PAPPA: variants seen among roughly 807,000 people sequenced by gnomAD.
PAPPA encodes pappalysin-1.
PAPPA carries 60 observed loss-of-function variants against 164.0 expected under a neutral mutation model. That is an observed-to-expected ratio of 0.37 (90% confidence interval 0.30 to 0.45). PAPPA has a LOEUF of 0.45. Ranked by LOEUF, PAPPA falls within the 20% of genes least tolerant of loss-of-function variation. The probability of loss-of-function intolerance (pLI) is 1.00; values close to 1 mark genes in which losing one functional copy is unlikely to be tolerated. For synonymous variants in PAPPA, 875 were observed against 814.1 expected, an observed-to-expected ratio of 1.07 and a Z score of -1.27; for missense variants, 1,782 against 2,087.3, an observed-to-expected ratio of 0.85 and a Z score of 2.85.
chr9:116,231,322 C>T (rs1844588915), intron 6 of PAPPA, among the ~76,000 whole-genome samples: 1 of 151,956 alleles, frequency 6.6e-6, no homozygotes, highest in African/African-American at 2.4e-5. Context: ...TCTCCCCTTC[C>T]ACCTTTCCTC....
intron 21 of PAPPA, among the ~76,000 whole-genome samples, chr9:116,385,920 T>G (rs967502368): frequency 5.9e-5 from 9 of 152,190 alleles, no homozygotes; most frequent in Non-Finnish European, 1.2e-4. Context: ...TTTAATTACT[T>G]TTGTGGAAGA....
chr9:116,174,254 G>A (rs1458930070), intron 1 of PAPPA, among the ~76,000 whole-genome samples: 1 of 152,182 alleles, frequency 6.6e-6, no homozygotes, highest in Non-Finnish European at 1.5e-5. Context: ...GCCCTGCAAA[G>A]TGGAGATCTG....
intron 19 of PAPPA, among the ~76,000 whole-genome samples, chr9:116,369,291 C>A (rs961140090): frequency 2.6e-5 from 4 of 152,148 alleles, no homozygotes; most frequent in African/African-American, 9.7e-5. Context: ...CCAGTGCACC[C>A]TGATATGCTC....
intron 7 of PAPPA, among the ~76,000 whole-genome samples, chr9:116,256,402 A>C (rs1342031559): frequency 1.3e-5 from 2 of 151,998 alleles, no homozygotes; most frequent in Admixed American, 6.5e-5. Flanking sequence ...GAAAGGAATA[A>C]ATAAGCAAGG....
intron 7 of PAPPA, among the ~76,000 whole-genome samples, chr9:116,255,559 TG>T (rs1844917699): frequency 6.6e-6 from 1 of 151,934 alleles, no homozygotes; most frequent in South Asian, 2.1e-4. Flanking sequence ...AAAATAGAAC[TG>T]GGAACTAAAC....
At chr9:116,202,762 G>A (rs529746919) in intron 2 of PAPPA, among the ~76,000 whole-genome samples, 31 of 152,086 alleles carry the variant, frequency 2.0e-4, no homozygotes, top group Admixed American at 7.2e-4. Context: ...ATATTTTTGG[G>A]TACACTTCCT....
chr9:116,346,761 C>T (rs1846215116), intron 14 of PAPPA, among the ~76,000 whole-genome samples: 1 of 152,294 alleles, frequency 6.6e-6, no homozygotes, highest in South Asian at 2.1e-4. Flanking sequence ...CCTTTGGACT[C>T]AAGTCCAACT....
intron 17 of PAPPA, among the ~76,000 whole-genome samples, chr9:116,361,517 A>C (rs1481658343): frequency 6.6e-6 from 1 of 152,140 alleles, no homozygotes; most frequent in Non-Finnish European, 1.5e-5. Context: ...CATCATTTGC[A>C]CACGCCCTTC....
At position 116,220,039 on chromosome 9, in the gene PAPPA, C is replaced by A. The variant is rs1179623524; in HGVS notation, c.2021C>A (p.Pro674His). ...QGWQPSRKPA[P>H]VALAPQVLGH... ...TGGCAGCCCTCCAGGAAACCAGCGC[C>A]TGTTGCCCTCGCCCCCCAAGTTCTG... The change falls in exon 5 of 22, where the codon CCT becomes CAT. Residue 674 changes from proline to histidine, a missense_variant. By Grantham distance (77) the Pro-to-His change is moderately conservative (BLOSUM62 -2). Transcript: ENST00000328252. 1 of 1,614,174 alleles carries A rather than the reference C, an allele frequency of 6.2e-7. No homozygotes were observed. Among genetic ancestry groups the A allele is most frequent in the Non-Finnish European group, 8.5e-7 (1 of 1,180,026 alleles).
intron 7 of PAPPA, among the ~76,000 whole-genome samples, chr9:116,255,519 A>G (rs1587974257): frequency 6.6e-6 from 1 of 152,040 alleles, no homozygotes; most frequent in Admixed American, 6.5e-5. Context: ...ACAGAAAAGG[A>G]TATTTCCAGG....
rs140799975 is a variant in PAPPA at position 116,295,761 on chromosome 9, A to G, written c.2954-6996A>G. 8.5e-5 allele frequency among the ~76,000 whole-genome samples: 13 copies of G among 152,234 alleles called. No individual in the cohort carries two copies. In the East Asian group the frequency reaches 2.5e-3, roughly 29 times the overall value. ...CCTTTACTCAGACACCTCTCTTTAC[A>G]TGCTCAAACTATTTATACCCTCTAA... On this transcript the variant is annotated intron_variant, in intron 9 of 21. Transcript: ENST00000328252.
chr9:116,213,226 T>C (rs956048278), intron 4 of PAPPA, among the ~76,000 whole-genome samples: 2 of 152,166 alleles, frequency 1.3e-5, no homozygotes, highest in African/African-American at 4.8e-5. Flanking sequence ...TTTTGCCTCA[T>C]TGCATTTGAA....
chr9:116,359,257 T>C (rs1240273673), intron 17 of PAPPA, among the ~76,000 whole-genome samples: 4 of 152,244 alleles, frequency 2.6e-5, no homozygotes, highest in Non-Finnish European at 5.9e-5. Context: ...GTTCAAGTGA[T>C]TTTTAAAGCA....
In PAPPA at chr9:116,187,897, A is replaced by C; in HGVS notation, c.1159A>C (p.Lys387Gln). Residue 387 changes from lysine to glutamine, a missense_variant, in exon 2 of 22, where the codon AAG becomes CAG. By Grantham distance (53) the Lys-to-Gln change is moderately conservative (BLOSUM62 1). Coordinates refer to ENST00000328252, the MANE Select transcript of PAPPA (RefSeq NM_002581.5). This position sits in a 1 kb window ranked among gnomAD's most constrained non-coding sequence, Gnocchi z 4.2. ...GCACCATCAGCTGGCTGAGGCCTTC[A>C]AGCAATACAACATCTCCTGGGAGCT... ...FQHHQLAEAF[K>Q]QYNISWELDV... The C allele has an allele frequency of 6.2e-7, 1 of 1,614,172 alleles. No homozygotes were observed. Among genetic ancestry groups the C allele is most frequent in the South Asian group, 1.1e-5 (1 of 91,088 alleles).
rs760471145 is a variant in PAPPA, at chr9:116,211,688, C to T, written c.1674C>T (p.His558=). 9 of 1,614,016 alleles carry T rather than the reference C, an allele frequency of 5.6e-6. No individual in the cohort carries two copies. The East Asian group carries it at 1.8e-4, about 32-fold the overall frequency. Residue 558 remains histidine, a synonymous_variant, in exon 4 of 22, where the codon CAC becomes CAT. Transcript: ENST00000328252. The part of the protein sequence containing the change: ...PSFYGMPGHT[H]TMIHEIGHSL... The stretch of plus-strand genomic sequence containing the variant: ...TCTATGGCATGCCTGGGCACACCCA[C>T]ACCATGATCCATGAGATTGGTCACA...
At chr9:116,273,626 T>A (rs2118829802) in intron 9 of PAPPA, among the ~76,000 whole-genome samples, 1 of 152,310 alleles carries the variant, frequency 6.6e-6, no homozygotes, top group East Asian at 1.9e-4. Context: ...ACATACAGTG[T>A]AGCTGGGAGT....
chr9:116,302,978 C>T (rs1308238476), intron 10 of PAPPA, 28 bp downstream of exon 10: 2 of 1,600,888 alleles, frequency 1.2e-6, no homozygotes, highest in African/African-American at 2.7e-5. Flanking sequence ...TGTGGCATTT[C>T]CTGCAGACAT....
intron 10 of PAPPA, among the ~76,000 whole-genome samples, chr9:116,312,951 T>G: frequency 6.6e-6 from 1 of 151,730 alleles, no homozygotes; most frequent in East Asian, 2.0e-4. Context: ...GGCGTGGTGG[T>G]GGGTACCTGT....
chr9:116,176,602 C>A (rs1843837478), intron 1 of PAPPA, among the ~76,000 whole-genome samples: 1 of 152,072 alleles, frequency 6.6e-6, no homozygotes, highest in South Asian at 2.1e-4. Flanking sequence ...ATATCTCACA[C>A]CCCAGCTTGG....
Sources: allele counts gnomAD v4.1 joint callset (sites outside exome capture counted in the v4.1 genomes callset), GRCh38; gene constraint gnomAD v4.1.1; non-coding constraint Gnocchi (gnomAD v3.1); transcripts MANE v1.5; gene names NCBI Gene and HGNC (gene_info 2026-07-23, HGNC 2026-07-21).